ST6GAL1: variants seen among roughly 807,000 people sequenced by gnomAD.
The protein encoded by ST6GAL1 is ST6 beta-galactoside alpha-2,6-sialyltransferase 1, also known as beta-galactoside alpha-2,6-sialyltransferase 1.
A neutral mutation model predicts 38.0 loss-of-function variants in ST6GAL1; 20 were observed. The observed-to-expected ratio is 0.53, with a 90% CI of 0.37 to 0.77. The LOEUF (loss-of-function observed/expected upper bound fraction) is 0.77. ST6GAL1 is among the 30% of genes least tolerant of loss of function. The pLI is 0.00. For missense variants in ST6GAL1, 432 were observed against 496.4 expected (o/e 0.87, Z 1.23); for synonymous variants, 196 against 188.2 (o/e 1.04, Z -0.34).
intron 5 of ST6GAL1, chr3:187,064,460 T>C (rs1719026340): frequency 2.2e-6 from 1 of 453,860 alleles, no homozygotes; most frequent in Non-Finnish European, 4.4e-6. Context: ...GGAGGAAGAG[T>C]GTGCTCAGAA....
chr3:187,003,631 C>T lies in ST6GAL1; in HGVS notation c.-182-35111C>T, dbSNP rs544564952. ...TAAATTTGCTTCTTGGCATTGGATA[C>T]TTTGCTACTGTAAACAGTATATAAG... On this transcript the variant is annotated intron_variant, in intron 2 of 7. Coordinates refer to ENST00000169298, the MANE Select transcript of ST6GAL1 (RefSeq NM_173216.2). Among the ~76,000 whole-genome samples, 9 of 152,272 alleles carry T rather than the reference C, an allele frequency of 5.9e-5. 1 individual carries two copies. In the South Asian group the frequency reaches 1.9e-3, roughly 32 times the overall value.
chr3:186,937,256 A>T (rs34963554), intron 1 of ST6GAL1, among the ~76,000 whole-genome samples: 93,946 of 151,934 alleles, frequency 0.62, 29,131 homozygotes, highest in African/African-American at 0.67. Context: ...GTCTCCAAGG[A>T]TGTGTGGGCC....
At chr3:186,970,378 CA>C (rs1715308018) in intron 2 of ST6GAL1, among the ~76,000 whole-genome samples, 1 of 148,794 alleles carries the variant, frequency 6.7e-6, no homozygotes, top group African/African-American at 2.4e-5. Context: ...CCACGCCCGG[CA>C]AATTTTTTTT....
At chr3:187,049,235 T>G (rs1718427629) in intron 4 of ST6GAL1, among the ~76,000 whole-genome samples, 1 of 152,204 alleles carries the variant, frequency 6.6e-6, no homozygotes, top group Admixed American at 6.5e-5. Context: ...TTTCTCACTC[T>G]CTGGATTTTC....
chr3:186,997,365 AGC>A (rs1716452006), intron 2 of ST6GAL1, among the ~76,000 whole-genome samples: 1 of 152,148 alleles, frequency 6.6e-6, no homozygotes, highest in African/African-American at 2.4e-5. Context: ...TCAGGGCTGG[AGC>A]CCAGTCTTCT....
chr3:187,054,691 T>G (rs1472533946), intron 5 of ST6GAL1, among the ~76,000 whole-genome samples: 1 of 152,214 alleles, frequency 6.6e-6, no homozygotes, highest in Non-Finnish European at 1.5e-5. Flanking sequence ...ACTGCTGGAT[T>G]TGGTTTGCCA....
chr3:187,006,948 G>A (rs1716803413), intron 2 of ST6GAL1, among the ~76,000 whole-genome samples: 1 of 152,220 alleles, frequency 6.6e-6, no homozygotes, highest in Non-Finnish European at 1.5e-5. Flanking sequence ...TTTTAGTGGA[G>A]TTTTGAAACA....
intron 5 of ST6GAL1, among the ~76,000 whole-genome samples, chr3:187,071,394 C>T (rs1394992404): frequency 6.6e-6 from 1 of 152,144 alleles, no homozygotes; most frequent in Admixed American, 6.5e-5. Context: ...TCCATTTGAT[C>T]CGCAAGACAG....
chr3:187,002,791 T>A (rs1716663686), intron 2 of ST6GAL1, among the ~76,000 whole-genome samples: 1 of 152,244 alleles, frequency 6.6e-6, no homozygotes, highest in Non-Finnish European at 1.5e-5. Context: ...ATAATTACCC[T>A]TACCCAGAAA....
At chr3:187,000,013 C>T (rs985112614) in intron 2 of ST6GAL1, among the ~76,000 whole-genome samples, 1 of 152,108 alleles carries the variant, frequency 6.6e-6, no homozygotes, top group East Asian at 1.9e-4. Flanking sequence ...ATTTTAAGAA[C>T]ATTTTTGTAG....
intron 2 of ST6GAL1, among the ~76,000 whole-genome samples, chr3:187,031,262 T>C (rs1717739620): frequency 1.3e-5 from 2 of 152,174 alleles, no homozygotes; most frequent in African/African-American, 4.8e-5. Flanking sequence ...CTGAAGAACT[T>C]CTTGTGCAGA....
At chr3:187,056,370 T>A (rs560425878) in intron 5 of ST6GAL1, among the ~76,000 whole-genome samples, 17 of 152,334 alleles carry the variant, frequency 1.1e-4, no homozygotes, top group African/African-American at 4.1e-4. Flanking sequence ...ATTTTGCCCA[T>A]TAGCTGATGT....
chr3:186,945,494 G>A (rs891806146), intron 1 of ST6GAL1, among the ~76,000 whole-genome samples: 4 of 152,048 alleles, frequency 2.6e-5, no homozygotes, highest in Admixed American at 6.6e-5. Context: ...AAGATTAATC[G>A]ACAAACATAC....
intron 2 of ST6GAL1, among the ~76,000 whole-genome samples, chr3:186,976,739 A>G (rs1715533559): frequency 6.6e-6 from 1 of 152,198 alleles, no homozygotes; most frequent in Non-Finnish European, 1.5e-5. Context: ...CTTAATTCTT[A>G]TAAGACCCTT....
At chr3:186,995,071 T>TTA (rs1180054434) in intron 2 of ST6GAL1, among the ~76,000 whole-genome samples, 9 of 152,238 alleles carry the variant, frequency 5.9e-5, no homozygotes, top group South Asian at 2.1e-4. Flanking sequence ...TCCTCAATTA[T>TTA]TATATATATA....
Position 187,070,446 on chromosome 3 carries a change from G to A in ST6GAL1, c.706-2403G>A, listed in dbSNP as rs529160815. On this transcript the variant is annotated intron_variant, in intron 5 of 7. Transcript: ENST00000169298. ...GCTCTTTTTTTTTTTTTTTTTTTTC[G>A]AGATGGAGTCTCACTGTTGCCAGGC... 5.6e-3 allele frequency among the ~76,000 whole-genome samples: 639 copies of A among 114,844 alleles called. 7 individuals are homozygous for A. The highest frequency in any genetic ancestry group is 0.021 in the African/African-American group (604 of 28,386). The allele number at this position is 114,844 out of a possible 152,430, so 75.3% of individuals were successfully genotyped here. A position where few individuals can be genotyped will look rare whatever the true frequency, so the allele number is the denominator to read the frequency against.
chr3:187,043,448 C>A, intron 4 of ST6GAL1, 138 bp downstream of exon 4: 1 of 1,247,516 alleles, frequency 8.0e-7, no homozygotes, highest in Non-Finnish European at 1.1e-6. Flanking sequence ...TTTTCAGAGT[C>A]ACAAGTGACA....
intron 2 of ST6GAL1, among the ~76,000 whole-genome samples, chr3:187,022,387 G>A (rs983970783): frequency 1.3e-5 from 2 of 152,230 alleles, no homozygotes; most frequent in African/African-American, 4.8e-5. Context: ...GAGGGCTGAG[G>A]GGCCTTACAA....
intron 2 of ST6GAL1, among the ~76,000 whole-genome samples, chr3:186,973,747 G>T (rs2108533244): frequency 6.6e-6 from 1 of 152,272 alleles, no homozygotes; most frequent in Admixed American, 6.5e-5. Flanking sequence ...CCCTCTTCAT[G>T]AACACCCAGC....
Sources: gnomAD v4.1 joint callset for allele counts (sites outside exome capture counted in the v4.1 genomes callset) on GRCh38, gnomAD v4.1.1 for gene constraint, MANE v1.5 for transcripts, NCBI Gene and HGNC (gene_info 2026-07-23, HGNC 2026-07-21) for gene names.